The following NDRG1 variants were observed in gnomAD, a reference collection of about 807,000 sequenced individuals.
The protein encoded by NDRG1 is protein NDRG1.
NDRG1 carries 32 observed loss-of-function variants against 56.9 expected under a neutral mutation model. The observed-to-expected ratio is 0.56, with a 90% CI of 0.42 to 0.76. The LOEUF (loss-of-function observed/expected upper bound fraction) is 0.76, where lower values mean the gene tolerates loss of function less well. NDRG1 is among the 30% of genes least tolerant of loss of function. The pLI, the probability that NDRG1 is intolerant of heterozygous loss-of-function variation, is 0.00. For missense variants in NDRG1, 507 were observed against 545.7 expected (o/e 0.93, Z 0.71); for synonymous variants, 211 against 204.1 (o/e 1.03, Z -0.29).
Position 133,259,204 on chromosome 8 carries a change from A to T in NDRG1, c.353T>A (p.Leu118Gln), listed in dbSNP as rs1399999974. Reference sequence around the variant, plus strand: ...AAGGACTCCAGGAAGCATTTCAGCCAGCTGATCCATGGAGGGGTACATGTA... The same window carrying T: ...AAGGACTCCAGGAAGCATTTCAGCCTGCTGATCCATGGAGGGGTACATGTA... ...AGYMYPSMDQ[L>Q]AEMLPGVLQQ... The change falls in exon 6 of 16, where the codon CTG (leucine) becomes CAG (glutamine). Residue 118 changes from leucine (L) to glutamine (Q), a missense_variant. Coordinates refer to ENST00000323851, the MANE Select transcript of NDRG1 (RefSeq NM_006096.4). 1.2e-6 allele frequency: 2 copies of T among 1,614,240 alleles called. No individual in the cohort carries two copies. The highest frequency in any genetic ancestry group is 1.3e-5 in the African/African-American group (1 of 75,068).
At chr8:133,247,848 C>T in intron 12 of NDRG1, 27 bp downstream of exon 12, 1 of 1,612,794 alleles carries the variant, frequency 6.2e-7, no homozygotes, top group Non-Finnish European at 8.5e-7. Context: ...GAATTAAACA[C>T]AGAAATCAGC....
rs974212720 is a variant in NDRG1 at position 133,238,092 on chromosome 8, T to C, written c.*786A>G. 2 of 233,042 alleles carry C rather than the reference T, an allele frequency of 8.6e-6. No individual in the cohort carries two copies. Among genetic ancestry groups the C allele is most frequent in the Non-Finnish European group, 1.7e-5 (2 of 117,982 alleles). The allele number at this position is 233,042 out of a possible 1,614,324, so 14.4% of individuals were successfully genotyped here. ...TATCAGGGGTGGGAGGTTGGGGCTG[T>C]GGAGGAGAGGCAGAAAGCAGAACTA... On this transcript the variant is annotated 3_prime_UTR_variant, in exon 16 of 16. Coordinates refer to ENST00000323851, the MANE Select transcript of NDRG1 (RefSeq NM_006096.4).
intron 3 of NDRG1, among the ~76,000 whole-genome samples, chr8:133,275,322 GA>G (rs1261574417): frequency 6.6e-6 from 1 of 152,178 alleles, no homozygotes; most frequent in Non-Finnish European, 1.5e-5. Flanking sequence ...TAACAACCTT[GA>G]AAAGTGTCAT....
At chr8:133,259,594 CTG>C (rs1320678018) in intron 5 of NDRG1, 2 of 374,512 alleles carry the variant, frequency 5.3e-6, no homozygotes, top group Non-Finnish European at 1.0e-5. Context: ...CATGTCCTCA[CTG>C]TGTTTGTCTG....
At chr8:133,260,919 T>C (rs574701873) in intron 5 of NDRG1, among the ~76,000 whole-genome samples, 21 of 152,206 alleles carry the variant, frequency 1.4e-4, no homozygotes, top group African/African-American at 2.2e-4. Flanking sequence ...ATGATGCTGA[T>C]TGGGGGATCC....
chr8:133,247,698 C>G (rs1855763577), intron 12 of NDRG1, among the ~76,000 whole-genome samples, 177 bp downstream of exon 12: 1 of 152,216 alleles, frequency 6.6e-6, no homozygotes, highest in Admixed American at 6.5e-5. Flanking sequence ...TGGCAGCCAC[C>G]AGGGAAAGAG....
intron 3 of NDRG1, among the ~76,000 whole-genome samples, chr8:133,278,473 C>T (rs929829319): frequency 2.0e-5 from 3 of 152,144 alleles, no homozygotes; most frequent in East Asian, 1.9e-4. Flanking sequence ...GCATGCCCAG[C>T]GTCCTGCAAC....
intron 9 of NDRG1, 77 bp downstream of exon 9, chr8:133,254,462 A>G: frequency 6.6e-7 from 1 of 1,518,700 alleles, no homozygotes; most frequent in African/African-American, 1.4e-5. Flanking sequence ...CTCCACCCCC[A>G]CATGGGGCCC....
intron 6 of NDRG1, chr8:133,258,903 A>T: frequency 1.8e-6 from 1 of 562,610 alleles, no homozygotes; most frequent in Non-Finnish European, 3.2e-6. Context: ...ATGGAAGAAC[A>T]GGAGGCAAGA....
chr8:133,285,774 C>T (rs1858077912), intron 1 of NDRG1, among the ~76,000 whole-genome samples: 1 of 145,238 alleles, frequency 6.9e-6, no homozygotes. Context: ...TGCTCCAGAA[C>T]ATTCTGAAAA....
intron 6 of NDRG1, 30 bp downstream of exon 6, chr8:133,259,138 A>C: frequency 1.2e-6 from 2 of 1,602,434 alleles, no homozygotes; most frequent in Non-Finnish European, 1.7e-6. Flanking sequence ...TTCTCTGCAG[A>C]CAGAGAAGGA....
At chr8:133,265,596 G>A (rs968902234) in intron 3 of NDRG1, among the ~76,000 whole-genome samples, 2 of 151,852 alleles carry the variant, frequency 1.3e-5, no homozygotes, top group Non-Finnish European at 2.9e-5. Flanking sequence ...TCTCCAGCTC[G>A]GCCAGTGACC....
chr8:133,244,444 G>A (rs556171878), intron 13 of NDRG1, 54 bp from the exon 14 acceptor site: 33 of 1,608,964 alleles, frequency 2.1e-5, no homozygotes, highest in Middle Eastern at 1.7e-4. Flanking sequence ...GGCCCTCTGC[G>A]CTCTATGAAT....
At chr8:133,249,427 T>C in intron 10 of NDRG1, 1 of 160,050 alleles carries the variant, frequency 6.2e-6, no homozygotes, top group South Asian at 1.7e-4. Flanking sequence ...TGCCACTTTC[T>C]AGCTGTGTGG....
In NDRG1 at chr8:133,248,699, G is replaced by A. The variant is rs762699707; in HGVS notation, c.755+16C>T. On this transcript the variant is annotated intron_variant, in intron 11 of 15. Transcript: ENST00000323851. Reference sequence around the variant, plus strand: ...AGCCCCGACTGCAAGTGCTGGGGGAGAGAAAAGCCACTCACTGCAGGGTGA... The same window carrying A: ...AGCCCCGACTGCAAGTGCTGGGGGAAAGAAAAGCCACTCACTGCAGGGTGA... 2 of 1,614,190 alleles carry A rather than the reference G, an allele frequency of 1.2e-6. No homozygotes were observed. Among genetic ancestry groups the A allele is most frequent in the South Asian group, 1.1e-5 (1 of 91,086 alleles).
chr8:133,271,188 C>T (rs1354761924), intron 3 of NDRG1, among the ~76,000 whole-genome samples: 2 of 152,188 alleles, frequency 1.3e-5, no homozygotes, highest in African/African-American at 2.4e-5. Flanking sequence ...AAGAGGATCA[C>T]CGCATACCCA....
chr8:133,260,305 A>T (rs1446726193), intron 5 of NDRG1, among the ~76,000 whole-genome samples: 2 of 152,098 alleles, frequency 1.3e-5, no homozygotes, highest in East Asian at 3.9e-4. Flanking sequence ...GCTTCAGAAT[A>T]CAGGGGGCTC....
At chr8:133,296,686 CAGACACAG>C in intron 1 of NDRG1, 1 of 355,534 alleles carries the variant, frequency 2.8e-6, no homozygotes, top group Non-Finnish European at 5.5e-6. Context: ...TCTCCGTTCC[CAGACACAG>C]ACACACACAC....
At chr8:133,265,675 G>A (rs1856882378) in intron 3 of NDRG1, among the ~76,000 whole-genome samples, 1 of 151,812 alleles carries the variant, frequency 6.6e-6, no homozygotes, top group South Asian at 2.1e-4. Context: ...CTGAAGACCT[G>A]CTCACCTTTC....
Sources: gnomAD v4.1 joint callset for allele counts (sites outside exome capture counted in the v4.1 genomes callset) on GRCh38, gnomAD v4.1.1 for gene constraint, MANE v1.5 for transcripts, NCBI Gene and HGNC (gene_info 2026-07-23, HGNC 2026-07-21) for gene names.